Variants in FAM171A1 observed in about 807,000 individuals in gnomAD.
FAM171A1 encodes family with sequence similarity 171 member A1, also known as protein FAM171A1.
Under a neutral mutation model 74.9 loss-of-function variants are expected in FAM171A1, and 23 were observed. That is an observed-to-expected ratio of 0.31 (90% CI 0.22 to 0.44). FAM171A1 has a LOEUF of 0.44. Ranked by LOEUF, FAM171A1 falls within the 20% of genes least tolerant of loss-of-function variation. The probability of loss-of-function intolerance (pLI) is 1.00; values close to 1 mark genes in which losing one functional copy is unlikely to be tolerated. For synonymous variants in FAM171A1, 527 were observed against 505.7 expected (o/e 1.04, Z -0.57); for missense variants, 1,162 against 1,159.2 (o/e 1.00, Z -0.03).
chr10:15,325,794 C>T (rs541262655), intron 1 of FAM171A1, among the ~76,000 whole-genome samples: 29 of 152,260 alleles, frequency 1.9e-4, no homozygotes, highest in Middle Eastern at 3.4e-3. Context: ...AATGACGGGA[C>T]ATTGAGTGTG....
intron 3 of FAM171A1, among the ~76,000 whole-genome samples, chr10:15,271,067 C>G (rs372482910): frequency 6.6e-6 from 1 of 152,258 alleles, no homozygotes; most frequent in Non-Finnish European, 1.5e-5. Flanking sequence ...TTCAGACGAT[C>G]GGTAATAACA....
intron 1 of FAM171A1, among the ~76,000 whole-genome samples, chr10:15,357,383 T>A (rs1420527092): frequency 6.6e-6 from 1 of 152,200 alleles, no homozygotes; most frequent in Non-Finnish European, 1.5e-5. Context: ...GTACATAATG[T>A]CGATTTATAT....
At chr10:15,356,624 G>C (rs551173673) in intron 1 of FAM171A1, among the ~76,000 whole-genome samples, 1 of 152,166 alleles carries the variant, frequency 6.6e-6, no homozygotes, top group African/African-American at 2.4e-5. Flanking sequence ...GCAATAAAAA[G>C]AAACAAACTA....
At chr10:15,370,572 C>T (rs142903857) in intron 1 of FAM171A1, among the ~76,000 whole-genome samples, 4,585 of 152,072 alleles carry the variant, frequency 0.03, 97 homozygotes, top group Middle Eastern at 0.086. Flanking sequence ...GATCGGGCGG[C>T]GCGCCCTGGG....
chr10:15,372,811 TCAACTTTTCTTTCTCTCAACC>T (rs1836166184), upstream of FAM171A1, among the ~76,000 whole-genome samples: 1 of 149,842 alleles, frequency 6.7e-6, no homozygotes. Context: ...CATTCCAACC[TCAACTTTTCTTTCTCTCAACC>T]CACTCCTGTC....
rs867123871 is a variant in FAM171A1 at position 15,213,545 on chromosome 10, C to T, written c.2043G>A (p.Met681Ile). 6.2e-7 allele frequency: 1 copy of T among 1,614,158 alleles called. No homozygotes were observed. Among genetic ancestry groups the T allele is most frequent in the Non-Finnish European group, 8.5e-7 (1 of 1,180,028 alleles). The change falls in exon 8 of 8, where the codon ATG (methionine) becomes ATA (isoleucine). Residue 681 changes from methionine to isoleucine, a missense_variant. Transcript: ENST00000378116. The surrounding 1 kb of genome is among the most constrained non-coding windows in gnomAD (Gnocchi z 6.8). ...CAGTCAGGAGCTGCACCTCACTGTTCATCTGAGCCAAAGCCGCGTCGTTCA... is the reference window on the plus strand; with the variant it reads ...CAGTCAGGAGCTGCACCTCACTGTTTATCTGAGCCAAAGCCGCGTCGTTCA... ...ASLNDAALAQ[M>I]NSEVQLLTEK...
intron 1 of FAM171A1, among the ~76,000 whole-genome samples, chr10:15,337,067 G>A (rs1402952432): frequency 6.6e-6 from 1 of 150,570 alleles, no homozygotes; most frequent in Non-Finnish European, 1.5e-5. Flanking sequence ...TTTTGGTAGA[G>A]GTGGTATCTC....
At chr10:15,282,848 T>C (rs1192474650) in intron 2 of FAM171A1, among the ~76,000 whole-genome samples, 1 of 152,200 alleles carries the variant, frequency 6.6e-6, no homozygotes, top group Non-Finnish European at 1.5e-5. Context: ...TGTCCTGTTG[T>C]GTGGGCTCTC....
In FAM171A1 at chr10:15,270,003, A is replaced by G. The variant is rs532877394; in HGVS notation, c.418+5852T>C. 5.9e-5 allele frequency among the ~76,000 whole-genome samples: 9 copies of G among 152,292 alleles called. No homozygotes were observed. The South Asian group carries it at 1.9e-3, about 32-fold the overall frequency. On this transcript the variant is annotated intron_variant, in intron 3 of 7. Transcript: ENST00000378116. The stretch of plus-strand genomic sequence containing the variant: ...GATGCAGAAGACGGGTGATTTCTGC[A>G]TTTCCAACTGAGGTACCAGGTTCAT...
Position 15,221,028 on chromosome 10 carries a change from G to T in FAM171A1, c.787C>A (p.His263Asn), listed in dbSNP as rs752482774. The change falls in exon 6 of 8, where the codon CAC becomes AAC. Residue 263 changes from histidine (H) to asparagine (N), a missense_variant. Coordinates refer to ENST00000378116, the MANE Select transcript of FAM171A1 (RefSeq NM_001010924.2). ...CACGTCAGCTGGCTGCCTTCCTGGTGCACAAGACCCAGACCGCTCTTCAGC... is the reference window on the plus strand; with the variant it reads ...CACGTCAGCTGGCTGCCTTCCTGGTTCACAAGACCCAGACCGCTCTTCAGC... ...TWLKSGLGLV[H>N]QEGSQLTWTY... is the part of the protein sequence containing the mutation. 1 of 1,614,008 alleles carries T rather than the reference G, an allele frequency of 6.2e-7. No individual in the cohort carries two copies. Among genetic ancestry groups the T allele is most frequent in the African/African-American group, 1.3e-5 (1 of 74,922 alleles).
intron 1 of FAM171A1, among the ~76,000 whole-genome samples, chr10:15,302,378 T>G (rs1257067587): frequency 6.6e-6 from 1 of 152,002 alleles, no homozygotes; most frequent in African/African-American, 2.4e-5. Context: ...GGCAGCAGAA[T>G]TGCTTGAACA....
chr10:15,246,496 T>C (rs1358213581), intron 5 of FAM171A1, among the ~76,000 whole-genome samples: 1 of 152,222 alleles, frequency 6.6e-6, no homozygotes, highest in Non-Finnish European at 1.5e-5. Context: ...TCTAACAGTT[T>C]TAAATTCTGA....
At chr10:15,326,200 T>G (rs1835552989) in intron 1 of FAM171A1, among the ~76,000 whole-genome samples, 2 of 152,208 alleles carry the variant, frequency 1.3e-5, no homozygotes, top group South Asian at 4.1e-4. Context: ...AACCCATCAT[T>G]TCACTCAGTC....
chr10:15,269,812 T>C (rs578162592), intron 3 of FAM171A1, among the ~76,000 whole-genome samples: 2 of 152,166 alleles, frequency 1.3e-5, no homozygotes, highest in African/African-American at 4.8e-5. Context: ...AGTGAACTGA[T>C]AGTTTAATCA....
intron 1 of FAM171A1, among the ~76,000 whole-genome samples, chr10:15,357,076 C>A (rs1835941114): frequency 6.6e-6 from 1 of 151,990 alleles, no homozygotes; most frequent in African/African-American, 2.4e-5. Context: ...GTCAGGAGTT[C>A]GAGGCCAGTC....
At chr10:15,364,903 T>C (rs754822805) in intron 1 of FAM171A1, among the ~76,000 whole-genome samples, 3 of 152,194 alleles carry the variant, frequency 2.0e-5, no homozygotes, top group Non-Finnish European at 4.4e-5. Flanking sequence ...CCTCTTGTGA[T>C]TGATTACAAT....
intron 1 of FAM171A1, among the ~76,000 whole-genome samples, chr10:15,317,346 G>A (rs1835434629): frequency 6.6e-6 from 1 of 152,106 alleles, no homozygotes; most frequent in South Asian, 2.1e-4. Flanking sequence ...CTTATAAACA[G>A]TGCTATCTAA....
At chr10:15,345,300 G>C (rs1158570173) in intron 1 of FAM171A1, among the ~76,000 whole-genome samples, 4 of 152,186 alleles carry the variant, frequency 2.6e-5, no homozygotes, top group Admixed American at 2.0e-4. Flanking sequence ...TTGCAATCTG[G>C]GGCGGGAAGT....
At chr10:15,246,898 C>T (rs1300924348) in intron 5 of FAM171A1, among the ~76,000 whole-genome samples, 1 of 152,234 alleles carries the variant, frequency 6.6e-6, no homozygotes, top group South Asian at 2.1e-4. Context: ...GCTGCCAAGA[C>T]CCTCAGCCCG....
Sources: gnomAD v4.1 joint callset for allele counts (sites outside exome capture counted in the v4.1 genomes callset) on GRCh38, gnomAD v4.1.1 for gene constraint, Gnocchi (gnomAD v3.1) non-coding constraint, MANE v1.5 for transcripts, NCBI Gene and HGNC (gene_info 2026-07-23, HGNC 2026-07-21) for gene names.